TTC17: variants seen among roughly 807,000 people sequenced by gnomAD.
TTC17 encodes tetratricopeptide repeat protein 17.
A neutral mutation model predicts 143.8 loss-of-function variants in TTC17; 58 were observed. The observed-to-expected ratio is 0.40, with a 90% confidence interval of 0.33 to 0.50. TTC17 has a LOEUF of 0.50. TTC17 is among the 20% of genes least tolerant of loss of function. The pLI is 0.49. For missense variants in TTC17, 1,273 were observed against 1,392.5 expected (o/e 0.91, Z 1.37); for synonymous variants, 501 against 497.8 (o/e 1.01, Z -0.09).
intron 21 of TTC17, among the ~76,000 whole-genome samples, chr11:43,455,697 A>G (rs1192955265): frequency 6.6e-6 from 1 of 152,206 alleles, no homozygotes. Flanking sequence ...CATCTAAATC[A>G]GAAAGATTGC....
intron 21 of TTC17, among the ~76,000 whole-genome samples, chr11:43,455,914 A>G (rs1947753229): frequency 6.6e-6 from 1 of 152,150 alleles, no homozygotes. Flanking sequence ...AAATAAAACT[A>G]CTAACCTATT....
intron 16 of TTC17, chr11:43,435,205 C>G (rs1947264740): frequency 6.6e-6 from 1 of 152,110 alleles, no homozygotes; most frequent in African/African-American, 2.4e-5. Flanking sequence ...TAAAGGAGAA[C>G]AGCTACTTAC....
At chr11:43,405,070 A>G (rs940272954) in intron 11 of TTC17, among the ~76,000 whole-genome samples, 1 of 150,248 alleles carries the variant, frequency 6.7e-6, no homozygotes, top group East Asian at 1.9e-4. Context: ...CAGTGATGTC[A>G]TCAGTGACCC....
chr11:43,416,394 C>A (rs948362088), intron 16 of TTC17, among the ~76,000 whole-genome samples: 3 of 151,746 alleles, frequency 2.0e-5, no homozygotes, highest in Non-Finnish European at 4.4e-5. Flanking sequence ...ATGTAGTGAC[C>A]CTTTTCTAAA....
chr11:43,468,043 C>T (rs921723320), intron 21 of TTC17: 1 of 151,988 alleles, frequency 6.6e-6, no homozygotes, highest in Non-Finnish European at 1.5e-5. Flanking sequence ...ACAAAGAAGC[C>T]TTACTAGAAT....
chr11:43,388,329 A>C (rs898723353), intron 2 of TTC17, among the ~76,000 whole-genome samples: 1 of 152,120 alleles, frequency 6.6e-6, no homozygotes, highest in Non-Finnish European at 1.5e-5. Context: ...CATTTATATA[A>C]AATTTTAAAA....
At chr11:43,399,093 A>AT in intron 8 of TTC17, among the ~76,000 whole-genome samples, 1 of 152,206 alleles carries the variant, frequency 6.6e-6, no homozygotes. Flanking sequence ...GGTGAAGCAT[A>AT]TTCCTTTCGA....
In TTC17 at chr11:43,404,092, C is replaced by T. The variant is rs1285589109; in HGVS notation, c.1427C>T (p.Pro476Leu). ...SDINDSVKSS[P>L]VAHSILWIWG... ...ATCAATGATTCGGTCAAGTCTTCTC[C>T]CGTAGCCCATTCTATTCTCTGGATT... Residue 476 changes from proline to leucine, a missense_variant, in exon 11 of 24, where the codon CCC becomes CTC. Physicochemically the swap from Pro to Leu is moderately conservative, Grantham distance 98. Transcript: ENST00000039989. 4.3e-6 allele frequency: 7 copies of T among 1,613,372 alleles called. No homozygotes were observed. The highest frequency in any genetic ancestry group is 5.9e-6 in the Non-Finnish European group (7 of 1,179,630).
intron 21 of TTC17, among the ~76,000 whole-genome samples, chr11:43,472,373 CA>C (rs1409623401): frequency 6.6e-6 from 1 of 151,902 alleles, no homozygotes; most frequent in Non-Finnish European, 1.5e-5. Context: ...CATGCAAATA[CA>C]AGTAAAAAGG....
intron 1 of TTC17, among the ~76,000 whole-genome samples, chr11:43,378,389 C>G (rs1420691994): frequency 6.6e-6 from 1 of 152,232 alleles, no homozygotes; most frequent in Non-Finnish European, 1.5e-5. Context: ...AGCTCTTATA[C>G]TCTGGTCACT....
intron 21 of TTC17, among the ~76,000 whole-genome samples, chr11:43,475,223 G>A (rs1948163292): frequency 6.6e-6 from 1 of 152,174 alleles, no homozygotes; most frequent in South Asian, 2.1e-4. Flanking sequence ...CTTGGGACCA[G>A]AAGTGCTTTG....
intron 1 of TTC17, among the ~76,000 whole-genome samples, chr11:43,378,013 C>T (rs1856826357): frequency 6.6e-6 from 1 of 152,126 alleles, no homozygotes; most frequent in African/African-American, 2.4e-5. Flanking sequence ...AAGCAATTCT[C>T]CTACCTCAGC....
At chr11:43,447,905 A>C (rs1947579182) in intron 18 of TTC17, 97 bp from the exon 19 acceptor site, 1 of 1,488,864 alleles carries the variant, frequency 6.7e-7, no homozygotes. Context: ...AGCACCTCCA[A>C]ATACACCAAT....
chr11:43,368,912 C>G (rs970590932), intron 1 of TTC17, among the ~76,000 whole-genome samples: 6 of 152,182 alleles, frequency 3.9e-5, no homozygotes, highest in Admixed American at 6.5e-5. Context: ...TACCAGCCCT[C>G]GGGATGTTCT....
At chr11:43,477,103 A>AC (rs2134850657) in intron 21 of TTC17, among the ~76,000 whole-genome samples, 1 of 152,332 alleles carries the variant, frequency 6.6e-6, no homozygotes, top group Non-Finnish European at 1.5e-5. Context: ...GCAAAATGCC[A>AC]CCAGTCTCTT....
At chr11:43,471,661 C>T (rs555707380) in intron 21 of TTC17, among the ~76,000 whole-genome samples, 1 of 152,166 alleles carries the variant, frequency 6.6e-6, no homozygotes, top group Non-Finnish European at 1.5e-5. Flanking sequence ...ATCAACTTCC[C>T]ATGAGTATTC....
chr11:43,359,234 TGGCAC>T, intron 1 of TTC17, 121 bp downstream of exon 1: 2 of 1,276,284 alleles, frequency 1.6e-6, no homozygotes, highest in Non-Finnish European at 2.1e-6. Flanking sequence ...CACAGGGAGG[TGGCAC>T]CGCGACCTCG....
intron 21 of TTC17, among the ~76,000 whole-genome samples, chr11:43,454,852 A>G (rs1034937849): frequency 6.6e-6 from 1 of 152,056 alleles, no homozygotes; most frequent in Non-Finnish European, 1.5e-5. Flanking sequence ...GAAACAGATT[A>G]AAATATACCA....
chr11:43,491,102 G>GTT (rs1248042133), intron 22 of TTC17: 1 of 152,150 alleles, frequency 6.6e-6, no homozygotes, highest in East Asian at 1.9e-4. Context: ...GTCAGGCATT[G>GTT]CTGAGTTTTA....
Sources: allele counts gnomAD v4.1 joint callset (sites outside exome capture counted in the v4.1 genomes callset), GRCh38; gene constraint gnomAD v4.1.1; transcripts MANE v1.5; gene names NCBI Gene and HGNC (gene_info 2026-07-23, HGNC 2026-07-21).